Variants in AUTS2 observed in about 807,000 individuals in gnomAD.
The protein encoded by AUTS2 is autism susceptibility gene 2 protein.
AUTS2 carries 17 observed loss-of-function variants against 112.4 expected under a neutral mutation model. That is an observed-to-expected ratio of 0.15 (90% CI 0.10 to 0.23). AUTS2 has a LOEUF of 0.23. Ranked by LOEUF, AUTS2 falls within the 10% of genes least tolerant of loss-of-function variation. The pLI is 1.00. For synonymous variants in AUTS2, 751 were observed against 702.7 expected, an observed-to-expected ratio of 1.07 and a Z score of -1.09; for missense variants, 1,510 against 1,701.6, an observed-to-expected ratio of 0.89 and a Z score of 1.98.
At chr7:70,022,859 A>ATT (rs71068007) in intron 2 of AUTS2, among the ~76,000 whole-genome samples, 29 of 150,042 alleles carry the variant, frequency 1.9e-4, no homozygotes, top group African/African-American at 3.4e-4. Context: ...AATTAAATTA[A>ATT]TTTTTTTTTT....
chr7:69,741,563 G>C (rs187554591), intron 1 of AUTS2, among the ~76,000 whole-genome samples: 27 of 152,126 alleles, frequency 1.8e-4, no homozygotes, highest in Admixed American at 1.8e-3. Context: ...AAATTAGCTG[G>C]GTGTGGTGGC....
At chr7:69,742,689 AC>A (rs1441206289) in intron 1 of AUTS2, among the ~76,000 whole-genome samples, 1 of 152,134 alleles carries the variant, frequency 6.6e-6, no homozygotes, top group African/African-American at 2.4e-5. Flanking sequence ...AGATTATCTT[AC>A]CTGTCCTAAG....
In AUTS2 at chr7:69,599,528, C is replaced by T; in HGVS notation, c.-126C>T. ...TCCCTTCTTTCGGCCGCCGTCTCCC[C>T]CGCGCCCTCCTCGGGGCGGAGGGAA... is the stretch of plus-strand genomic sequence containing the variant. On this transcript the variant is annotated 5_prime_UTR_variant, in exon 1 of 19. Coordinates refer to ENST00000342771, the MANE Select transcript of AUTS2 (RefSeq NM_015570.4). The surrounding 1 kb of genome is among the most constrained non-coding windows in gnomAD (Gnocchi z 7.0). 1 of 918,574 alleles carries T rather than the reference C, an allele frequency of 1.1e-6. No homozygotes were observed. The highest frequency in any genetic ancestry group is 1.4e-6 in the Non-Finnish European group (1 of 707,464). The allele number at this position is 918,574 out of a possible 1,614,324, so 56.9% of individuals were successfully genotyped here.
At chr7:70,245,365 C>A (rs978690924) in intron 4 of AUTS2, among the ~76,000 whole-genome samples, 2 of 151,900 alleles carry the variant, frequency 1.3e-5, no homozygotes, top group African/African-American at 4.8e-5. Flanking sequence ...TGGAAACTGG[C>A]AGCAATTTCA....
chr7:70,065,539 CA>C (rs1802449087), intron 2 of AUTS2, among the ~76,000 whole-genome samples: 1 of 151,856 alleles, frequency 6.6e-6, no homozygotes, highest in African/African-American at 2.4e-5. Context: ...ACTGAAAATA[CA>C]AAAAATTTAG....
At chr7:69,898,882 G>A (rs890611228) in intron 1 of AUTS2, among the ~76,000 whole-genome samples, 1 of 152,144 alleles carries the variant, frequency 6.6e-6, no homozygotes, top group African/African-American at 2.4e-5. Context: ...TTTGAATTGA[G>A]CATGCACTTA....
At chr7:70,540,031 C>G (rs1800486390) in intron 5 of AUTS2, among the ~76,000 whole-genome samples, 1 of 152,116 alleles carries the variant, frequency 6.6e-6, no homozygotes, top group Non-Finnish European at 1.5e-5. Context: ...GTTTCTTTCT[C>G]CCTTTTTTTT....
intron 4 of AUTS2, among the ~76,000 whole-genome samples, chr7:70,358,627 C>T (rs1027558397): frequency 6.6e-6 from 1 of 152,236 alleles, no homozygotes; most frequent in Non-Finnish European, 1.5e-5. Context: ...AAGAGGAGTC[C>T]TGTCTCCTTG....
In AUTS2 at chr7:70,245,169, T is replaced by A. The variant is rs75243690; in HGVS notation, c.660+110598T>A. On this transcript the variant is annotated intron_variant, in intron 4 of 18. Transcript: ENST00000342771. ...GTATATATATATATATATATATATATAAAAAATAAAAAATAAACAAAAATT... is the reference window on the plus strand; with the variant it reads ...GTATATATATATATATATATATATAAAAAAAATAAAAAATAAACAAAAATT... Among the ~76,000 whole-genome samples the A allele has an allele frequency of 9.1e-3, 1,075 of 118,570 alleles. 54 individuals are homozygous for A. The highest frequency in any genetic ancestry group is 0.034 in the African/African-American group (1,027 of 30,224). The allele number at this position is 118,570 out of a possible 152,430, so 77.8% of individuals were successfully genotyped here.
At chr7:70,023,724 A>G (rs543261657) in intron 2 of AUTS2, among the ~76,000 whole-genome samples, 1 of 152,370 alleles carries the variant, frequency 6.6e-6, no homozygotes, top group African/African-American at 2.4e-5. Flanking sequence ...AATAATAAAT[A>G]TAGCAAAGGA....
At chr7:70,197,042 C>A (rs1047582665) in intron 4 of AUTS2, among the ~76,000 whole-genome samples, 2 of 152,150 alleles carry the variant, frequency 1.3e-5, no homozygotes, top group Non-Finnish European at 2.9e-5. Context: ...TTTAGCTATT[C>A]AGGCACTTTG....
intron 5 of AUTS2, among the ~76,000 whole-genome samples, chr7:70,652,730 A>T (rs1806572464): frequency 6.6e-6 from 1 of 152,084 alleles, no homozygotes; most frequent in Non-Finnish European, 1.5e-5. Flanking sequence ...TACTTTTTTA[A>T]AAAAAGAATG....
chr7:69,762,947 A>G (rs1788257869), intron 1 of AUTS2, among the ~76,000 whole-genome samples: 1 of 152,180 alleles, frequency 6.6e-6, no homozygotes, highest in Admixed American at 6.5e-5. Context: ...GTTTGTGTGA[A>G]ATCATAATAT....
intron 1 of AUTS2, among the ~76,000 whole-genome samples, chr7:69,635,212 A>G (rs1794459204): frequency 6.6e-6 from 1 of 152,190 alleles, no homozygotes; most frequent in South Asian, 2.1e-4. Flanking sequence ...TTGCAAATCA[A>G]AATGGGAATT....
At chr7:70,339,418 A>C (rs1459179746) in intron 4 of AUTS2, among the ~76,000 whole-genome samples, 1 of 152,198 alleles carries the variant, frequency 6.6e-6, no homozygotes, top group East Asian at 1.9e-4. Flanking sequence ...CAGAAATATA[A>C]GTAATACTCT....
At chr7:70,340,163 A>AACACACACACAC (rs71077652) in intron 4 of AUTS2, among the ~76,000 whole-genome samples, 14,097 of 144,564 alleles carry the variant, frequency 0.098, 707 homozygotes, top group Admixed American at 0.13. Context: ...TATGGAGAGA[A>AACACACACACAC]ACACACACAC....
In AUTS2 at chr7:70,766,736, A is replaced by C. The variant is rs1789972923; in HGVS notation, c.1689+402A>C. Among the ~76,000 whole-genome samples, 2 of 152,194 alleles carry C rather than the reference A, an allele frequency of 1.3e-5. No homozygotes were observed. The highest frequency in any genetic ancestry group is 1.3e-4 in the Admixed American group (2 of 15,274). The stretch of plus-strand genomic sequence containing the variant: ...CATTCTTGCAGGGTAATGGGGGTGA[A>C]GAAGAGAGAAGAGAAGGGAGAGAGA... On this transcript the variant is annotated intron_variant, in intron 9 of 18. Coordinates refer to ENST00000342771, the MANE Select transcript of AUTS2 (RefSeq NM_015570.4). The surrounding 1 kb of genome is among the most constrained non-coding windows in gnomAD (Gnocchi z 4.8).
intron 5 of AUTS2, among the ~76,000 whole-genome samples, chr7:70,555,868 G>A (rs1024385615): frequency 1.6e-4 from 24 of 151,038 alleles, no homozygotes; most frequent in Admixed American, 7.9e-4. Context: ...GCAGTAGTGC[G>A]ATCTCGGCTC....
intron 1 of AUTS2, among the ~76,000 whole-genome samples, chr7:69,741,463 G>T (rs1442060800): frequency 6.6e-6 from 1 of 152,158 alleles, no homozygotes; most frequent in East Asian, 1.9e-4. Context: ...CCAGTACTTT[G>T]GGAGGCCAAG....
Sources: allele counts gnomAD v4.1 joint callset (sites outside exome capture counted in the v4.1 genomes callset), GRCh38; gene constraint gnomAD v4.1.1; non-coding constraint Gnocchi (gnomAD v3.1); transcripts MANE v1.5; gene names NCBI Gene and HGNC (gene_info 2026-07-23, HGNC 2026-07-21).